The following RAP1GAP2 variants were observed in gnomAD, a reference collection of about 807,000 sequenced individuals.
RAP1GAP2 encodes the protein RAP1 GTPase activating protein 2, also known as rap1 GTPase-activating protein 2.
A neutral mutation model predicts 95.0 loss-of-function variants in RAP1GAP2; 27 were observed. The observed-to-expected ratio is 0.28, with a 90% CI of 0.21 to 0.39. RAP1GAP2 has a LOEUF of 0.39. RAP1GAP2 is among the 10% of genes least tolerant of loss of function. RAP1GAP2 has a pLI of 1.00. For missense variants in RAP1GAP2, 771 were observed against 970.0 expected (o/e 0.79, Z 2.72); for synonymous variants, 373 against 380.9 (o/e 0.98, Z 0.24).
At chr17:2,762,739 CA>C (rs1357682876) in intron 1 of RAP1GAP2, among the ~76,000 whole-genome samples, 1 of 151,754 alleles carries the variant, frequency 6.6e-6, no homozygotes, top group Non-Finnish European at 1.5e-5. Context: ...TGTGGGGACA[CA>C]AAAATTCGGG....
chr17:2,998,486 G>A (rs1380704339), intron 14 of RAP1GAP2, 110 bp downstream of exon 14: 2 of 1,337,106 alleles, frequency 1.5e-6, no homozygotes, highest in South Asian at 1.4e-5. Context: ...TTCTCCATGA[G>A]TTTGCAGGTT....
At chr17:2,995,268 G>C in intron 12 of RAP1GAP2, 69 bp from the exon 13 acceptor site, 1 of 1,527,178 alleles carries the variant, frequency 6.5e-7, no homozygotes. Flanking sequence ...ACTTAGGGGA[G>C]CTTGCATTAA....
intron 17 of RAP1GAP2, among the ~76,000 whole-genome samples, chr17:3,011,254 A>G (rs1474941836): frequency 6.6e-6 from 1 of 151,684 alleles, no homozygotes; most frequent in Non-Finnish European, 1.5e-5. Flanking sequence ...TTTCCCTCCC[A>G]CCTGGGGAGC....
intron 18 of RAP1GAP2, among the ~76,000 whole-genome samples, chr17:3,018,545 A>G (rs1005677902): frequency 2.0e-5 from 3 of 152,038 alleles, no homozygotes; most frequent in African/African-American, 7.2e-5. Context: ...GGGACCCATG[A>G]CTGTGAGAGG....
At chr17:2,934,167 C>T (rs893615226) in intron 3 of RAP1GAP2, among the ~76,000 whole-genome samples, 4 of 152,070 alleles carry the variant, frequency 2.6e-5, no homozygotes, top group Admixed American at 1.3e-4. Flanking sequence ...AGTCTTGTTC[C>T]GTTGCCCAGG....
chr17:2,974,663 T>A, intron 8 of RAP1GAP2, among the ~76,000 whole-genome samples: 1 of 150,808 alleles, frequency 6.6e-6, no homozygotes, highest in Non-Finnish European at 1.5e-5. Flanking sequence ...GCAAGGACAA[T>A]GGGAAGGAAA....
upstream of RAP1GAP2, among the ~76,000 whole-genome samples, chr17:2,774,431 C>T (rs561741413): frequency 2.7e-5 from 4 of 150,182 alleles, no homozygotes; most frequent in Admixed American, 6.6e-5. Context: ...GGTGATGGAA[C>T]GGGCTGCTGA....
intron 2 of RAP1GAP2, among the ~76,000 whole-genome samples, chr17:2,896,263 T>G (rs1405715401): frequency 2.0e-5 from 3 of 152,168 alleles, no homozygotes; most frequent in Non-Finnish European, 4.4e-5. Context: ...CTCAGATGCT[T>G]GTGAATCACA....
rs116462121 is a variant in RAP1GAP2 at position 2,872,733 on chromosome 17, C to T, written c.81-32551C>T. Among the ~76,000 whole-genome samples, 509 of 152,034 alleles carry T rather than the reference C, an allele frequency of 3.3e-3. 6 individuals are homozygous for T. Among genetic ancestry groups the T allele is most frequent in the African/African-American group, 0.012 (479 of 41,480 alleles). ...AAAGACAAAGTTTTGTTCTGTCACC[C>T]AGGCTAGAGTGCAGTGGTGTGAACA... On this transcript the variant is annotated intron_variant, in intron 2 of 24. Transcript: ENST00000254695.
chr17:2,833,313 A>ATT (rs2070980401), intron 2 of RAP1GAP2, among the ~76,000 whole-genome samples: 1 of 150,870 alleles, frequency 6.6e-6, no homozygotes, highest in East Asian at 2.0e-4. Context: ...TGATTTTTGT[A>ATT]TTTAGTAGAG....
intron 1 of RAP1GAP2, among the ~76,000 whole-genome samples, chr17:2,761,979 CTTTTTTTTTTTTTTTTTT>C (rs901487276): frequency 1.3e-5 from 1 of 77,710 alleles, no homozygotes; most frequent in Non-Finnish European, 2.4e-5. Flanking sequence ...GTTTATATAT[CTTTTTTTTTTTTTTTTTT>C]TTTTTTTTTG....
chr17:2,800,139 G>A, intron 1 of RAP1GAP2: 1 of 977,756 alleles, frequency 1.0e-6, no homozygotes, highest in Non-Finnish European at 1.2e-6. Flanking sequence ...CTGAAGCCGG[G>A]TTGCTGGGTT....
At chr17:2,929,484 T>C (rs1211929849) in intron 3 of RAP1GAP2, among the ~76,000 whole-genome samples, 1 of 152,100 alleles carries the variant, frequency 6.6e-6, no homozygotes, top group Non-Finnish European at 1.5e-5. Flanking sequence ...TTGCTGGAGG[T>C]GCACACATGG....
chr17:2,810,522 C>CA (rs1567668799), intron 2 of RAP1GAP2, among the ~76,000 whole-genome samples: 1 of 69,434 alleles, frequency 1.4e-5, no homozygotes, highest in Non-Finnish European at 2.7e-5. Context: ...TCCCCCCACC[C>CA]TTTTTTTTTT....
At chr17:2,909,085 G>C (rs1776291554) in intron 3 of RAP1GAP2, among the ~76,000 whole-genome samples, 2 of 152,168 alleles carry the variant, frequency 1.3e-5, no homozygotes, top group South Asian at 4.1e-4. Flanking sequence ...ACATCTGGGA[G>C]CCCTTCTCCT....
At chr17:2,943,815 G>A (rs1035326370) in intron 3 of RAP1GAP2, among the ~76,000 whole-genome samples, 1 of 152,026 alleles carries the variant, frequency 6.6e-6, no homozygotes, top group Non-Finnish European at 1.5e-5. Flanking sequence ...TAAAACCACA[G>A]TGATATATCA....
chr17:2,997,912 G>C (rs1268524212), intron 13 of RAP1GAP2, among the ~76,000 whole-genome samples: 2 of 136,110 alleles, frequency 1.5e-5, no homozygotes, highest in African/African-American at 5.6e-5. Context: ...AACACAGTGA[G>C]ACCCTGTCTC....
At chr17:3,031,935 T>TGAGTG (rs2047322326) in intron 23 of RAP1GAP2, among the ~76,000 whole-genome samples, 1 of 138,718 alleles carries the variant, frequency 7.2e-6, no homozygotes, top group Middle Eastern at 3.9e-3. Flanking sequence ...TATCGAGAGC[T>TGAGTG]CCAGGTCCAG....
chr17:2,801,294 G>A (rs2069280479), intron 2 of RAP1GAP2, among the ~76,000 whole-genome samples: 2 of 150,804 alleles, frequency 1.3e-5, no homozygotes. Context: ...GGCCAACATG[G>A]TGAAACCCCG....
Sources: allele counts gnomAD v4.1 joint callset (sites outside exome capture counted in the v4.1 genomes callset), GRCh38; gene constraint gnomAD v4.1.1; transcripts MANE v1.5; gene names NCBI Gene and HGNC (gene_info 2026-07-23, HGNC 2026-07-21).